Variants in HHIPL1 observed in about 807,000 individuals in gnomAD.
The protein encoded by HHIPL1 is HHIP like 1.
HHIPL1 carries 43 observed loss-of-function variants against 61.8 expected under a neutral mutation model. The ratio of observed to expected loss-of-function variants is 0.70; its 90% confidence interval spans 0.55 to 0.90. The LOEUF is 0.90. Among genes scored for constraint, HHIPL1 ranks in the 40% least tolerant of loss-of-function variants. The pLI is 0.00. For synonymous variants in HHIPL1, 482 were observed against 515.8 expected, an observed-to-expected ratio of 0.93 and a Z score of 0.89; for missense variants, 1,056 against 1,157.7, an observed-to-expected ratio of 0.91 and a Z score of 1.28.
the HHIPL1 span, among the ~76,000 whole-genome samples, chr14:99,615,408 G>T: frequency 6.6e-6 from 1 of 152,080 alleles, no homozygotes; most frequent in African/African-American, 2.4e-5. Context: ...TATGGGCTTG[G>T]TGGTGCATGC....
upstream of HHIPL1, among the ~76,000 whole-genome samples, chr14:99,640,228 G>A (rs2055733412): frequency 6.6e-6 from 1 of 151,934 alleles, no homozygotes. Context: ...TATTTTAATG[G>A]TTGGGCTAGA....
Position 99,675,616 on chromosome 14 carries a change from C to T in HHIPL1, c.2339C>T (p.Pro780Leu). The change falls in exon 9 of 9, where the codon CCC (proline) becomes CTC (leucine). Residue 780 changes from proline to leucine, a missense_variant. By Grantham distance (98) the Pro-to-Leu change is moderately conservative. Coordinates refer to ENST00000330710, the MANE Select transcript of HHIPL1 (RefSeq NM_001127258.3). This position sits in a 1 kb window ranked among gnomAD's most constrained non-coding sequence, Gnocchi z 5.4. ...DAGVVCSHQN[P>L]DL ...GGCGTCGTGTGCAGCCACCAGAACC[C>T]CGACCTGTAGGCAACACGCCGCTGC... The T allele has an allele frequency of 1.3e-6, 2 of 1,519,696 alleles. No homozygotes were observed. The highest frequency in any genetic ancestry group is 2.4e-5 in the South Asian group (2 of 82,830). The allele number at this position is 1,519,696 out of a possible 1,614,324, so 94.1% of individuals were successfully genotyped here. A position where few individuals can be genotyped will look rare whatever the true frequency, so the allele number is the denominator to read the frequency against.
chr14:99,650,806 C>T (rs934241788), intron 1 of HHIPL1, among the ~76,000 whole-genome samples: 7 of 152,246 alleles, frequency 4.6e-5, no homozygotes, highest in Admixed American at 6.5e-5. Context: ...GCTTCCCCCA[C>T]GGCCATGGCC....
the HHIPL1 span, among the ~76,000 whole-genome samples, chr14:99,629,533 T>C: frequency 4.6e-4 from 70 of 152,108 alleles, no homozygotes; most frequent in African/African-American, 1.7e-3. Context: ...ATGGAGTCTC[T>C]GTCGCCCAGG....
chr14:99,606,632 G>T, the HHIPL1 span, among the ~76,000 whole-genome samples: 1 of 152,226 alleles, frequency 6.6e-6, no homozygotes, highest in Non-Finnish European at 1.5e-5. Context: ...AGAAGAAAGT[G>T]AAGCCTCTAT....
intron 2 of HHIPL1, among the ~76,000 whole-genome samples, chr14:99,654,303 G>A (rs1434710324): frequency 6.6e-6 from 1 of 152,216 alleles, no homozygotes; most frequent in African/African-American, 2.4e-5. Flanking sequence ...AGGACAAAGT[G>A]AGAAGATGGG....
In HHIPL1 at chr14:99,675,028, TG is replaced by T; in HGVS notation, c.1814-60del. 1.1e-6 allele frequency: 1 copy of T among 919,370 alleles called. No individual in the cohort carries two copies. Among genetic ancestry groups the T allele is most frequent in the Non-Finnish European group, 1.4e-6 (1 of 739,578 alleles). The allele number at this position is 919,370 out of a possible 1,614,324, so 57.0% of individuals were successfully genotyped here. A position where few individuals can be genotyped will look rare whatever the true frequency, so the allele number is the denominator to read the frequency against. On this transcript the variant is annotated intron_variant, in intron 8 of 8. Transcript: ENST00000330710. This position sits in a 1 kb window ranked among gnomAD's most constrained non-coding sequence, Gnocchi z 5.4. ...GCACAGGTTGCAGGGCAGCACAGGG[TG>T]GGCAGCAGGGCTGGACAGGGGCGCC...
At chr14:99,637,438 G>A in the HHIPL1 span, among the ~76,000 whole-genome samples, 6 of 151,890 alleles carry the variant, frequency 4.0e-5, no homozygotes, top group Admixed American at 1.3e-4. Context: ...TGGGCGTGAT[G>A]GCGGGTGCCT....
At chr14:99,633,917 C>A in the HHIPL1 span, among the ~76,000 whole-genome samples, 1 of 152,210 alleles carries the variant, frequency 6.6e-6, no homozygotes, top group Non-Finnish European at 1.5e-5. Flanking sequence ...ATCAGAAGGC[C>A]CCTGGTGTGT....
chr14:99,631,360 C>T, the HHIPL1 span, among the ~76,000 whole-genome samples: 4 of 152,166 alleles, frequency 2.6e-5, no homozygotes, highest in East Asian at 5.8e-4. Flanking sequence ...CGTGAGCCAC[C>T]GCGCCCGGCC....
In HHIPL1 at chr14:99,660,524, G is replaced by A; in HGVS notation, c.1502+118G>A. On this transcript the variant is annotated intron_variant, in intron 5 of 8. Transcript: ENST00000330710. This position sits in a 1 kb window ranked among gnomAD's most constrained non-coding sequence, Gnocchi z 4.9. ...TCCTGCACATGTGCCTCGCTGCTCT[G>A]ACAGGGGCCCCTAGGTGTGGGCCGG... 7.6e-7 allele frequency: 1 copy of A among 1,319,350 alleles called. No individual in the cohort carries two copies. Among genetic ancestry groups the A allele is most frequent in the East Asian group, 2.4e-5 (1 of 42,324 alleles). 81.7% of individuals were successfully genotyped at this position (1,319,350 alleles called of 1,614,324 possible). A position where few individuals can be genotyped will look rare whatever the true frequency, so the allele number is the denominator to read the frequency against.
upstream of HHIPL1, chr14:99,645,126 C>T: frequency 8.3e-6 from 10 of 1,198,614 alleles, no homozygotes; most frequent in Non-Finnish European, 1.0e-5. Context: ...GGGGAGCGCC[C>T]GCCCCTTCCC....
rs890266888 is a variant in HHIPL1 at position 99,675,782 on chromosome 14, G to A, written c.*156G>A. On this transcript the variant is annotated 3_prime_UTR_variant, in exon 9 of 9. Transcript: ENST00000330710. The surrounding 1 kb of genome is among the most constrained non-coding windows in gnomAD (Gnocchi z 5.4). Reference sequence around the variant, plus strand: ...ACATGTGTGAGGCGCTGCAGTGCATGTGTGTCCTCTGCAGACCCAAGGCAG... The same window carrying A: ...ACATGTGTGAGGCGCTGCAGTGCATATGTGTCCTCTGCAGACCCAAGGCAG... The A allele has an allele frequency of 5.6e-6, 4 of 709,072 alleles. No individual in the cohort carries two copies. The highest frequency in any genetic ancestry group is 3.4e-5 in the Admixed American group (1 of 29,844). The allele number at this position is 709,072 out of a possible 1,614,324, so 43.9% of individuals were successfully genotyped here.
the HHIPL1 span, among the ~76,000 whole-genome samples, chr14:99,626,267 G>GTGTGTGTGTGTGTGT: frequency 1.4e-5 from 2 of 147,488 alleles, no homozygotes; most frequent in African/African-American, 5.0e-5. Context: ...GGTGTAGCGG[G>GTGTGTGTGTGTGTGT]GTGTGTGTGT....
chr14:99,626,439 G>A, the HHIPL1 span, among the ~76,000 whole-genome samples: 24 of 152,166 alleles, frequency 1.6e-4, no homozygotes, highest in South Asian at 4.1e-4. Flanking sequence ...AAACTGCTCC[G>A]GACCCATTCC....
chr14:99,630,031 A>T, the HHIPL1 span, among the ~76,000 whole-genome samples: 1 of 150,568 alleles, frequency 6.6e-6, no homozygotes, highest in African/African-American at 2.4e-5. Flanking sequence ...GTGTAGAAAA[A>T]CTCTCTCTCT....
chr14:99,613,977 T>TTGAA, the HHIPL1 span, among the ~76,000 whole-genome samples: 2 of 152,046 alleles, frequency 1.3e-5, no homozygotes, highest in Admixed American at 6.5e-5. Flanking sequence ...TAAATGTTTG[T>TTGAA]TGAATGAATG....
At chr14:99,605,384 GGGC>G in the HHIPL1 span, among the ~76,000 whole-genome samples, 9 of 133,472 alleles carry the variant, frequency 6.7e-5, no homozygotes, top group African/African-American at 1.6e-4. Context: ...GGGCGGGGCG[GGGC>G]GGGGGGGGGT....
intron 1 of HHIPL1, 72 bp downstream of exon 1, chr14:99,645,534 C>T (rs1262314320): frequency 4.9e-6 from 6 of 1,233,046 alleles, no homozygotes; most frequent in Non-Finnish European, 6.1e-6. Context: ...ATCGGAACCC[C>T]GCGGGGGCGA....
Sources: gnomAD v4.1 joint callset for allele counts (sites outside exome capture counted in the v4.1 genomes callset) on GRCh38, gnomAD v4.1.1 for gene constraint, Gnocchi (gnomAD v3.1) non-coding constraint, MANE v1.5 for transcripts, NCBI Gene and HGNC (gene_info 2026-07-23, HGNC 2026-07-21) for gene names.